SLC4A4: variants seen among roughly 807,000 people sequenced by gnomAD.
SLC4A4 encodes the protein electrogenic sodium bicarbonate cotransporter 1.
Under a neutral mutation model 111.5 loss-of-function variants are expected in SLC4A4, and 27 were observed. That is an observed-to-expected ratio of 0.24 (90% CI 0.18 to 0.33). SLC4A4 has a LOEUF of 0.33. Ranked by LOEUF, SLC4A4 falls within the 10% of genes least tolerant of loss-of-function variation. The probability of loss-of-function intolerance (pLI) is 1.00; values close to 1 mark genes in which losing one functional copy is unlikely to be tolerated. For synonymous variants in SLC4A4, 443 were observed against 463.4 expected (o/e 0.96, Z 0.57); for missense variants, 909 against 1,315.5 (o/e 0.69, Z 4.78).
chr4:71,341,903 A>T (rs1393862782), intron 4 of SLC4A4, among the ~76,000 whole-genome samples: 1 of 151,996 alleles, frequency 6.6e-6, no homozygotes, highest in Non-Finnish European at 1.5e-5. Flanking sequence ...AACTTAAACA[A>T]TGCCCAGAAA....
chr4:71,563,646 T>C, intron 23 of SLC4A4, 147 bp from the exon 24 acceptor site: 1 of 668,336 alleles, frequency 1.5e-6, no homozygotes. Flanking sequence ...GGAATGCAGT[T>C]AAAAGATGGC....
At chr4:71,358,464 A>G (rs1272199776) in intron 6 of SLC4A4, among the ~76,000 whole-genome samples, 1 of 152,156 alleles carries the variant, frequency 6.6e-6, no homozygotes, top group East Asian at 1.9e-4. Flanking sequence ...ATTTCTGGAA[A>G]TGAGTTTTCT....
At chr4:71,068,001 C>G (rs112808777) in intron 1 of SLC4A4, among the ~76,000 whole-genome samples, 2 of 151,390 alleles carry the variant, frequency 1.3e-5, no homozygotes, top group African/African-American at 4.8e-5. Context: ...CTCCTGCCTT[C>G]GCTTCCCATA....
At chr4:71,063,909 T>G (rs1337665196) in intron 1 of SLC4A4, among the ~76,000 whole-genome samples, 1 of 152,154 alleles carries the variant, frequency 6.6e-6, no homozygotes, top group Non-Finnish European at 1.5e-5. Flanking sequence ...AGGTCTAACC[T>G]GCTTATAAAG....
intron 1 of SLC4A4, among the ~76,000 whole-genome samples, chr4:71,208,980 A>G (rs1474012792): frequency 6.6e-6 from 1 of 152,122 alleles, no homozygotes; most frequent in East Asian, 1.9e-4. Flanking sequence ...TTGGTTATAG[A>G]GACAAATTTG....
In SLC4A4 at chr4:71,397,622, A is replaced by G. The variant is rs910457241; in HGVS notation, c.776A>G (p.Asn259Ser). The change falls in exon 7 of 26, where the codon AAT becomes AGT. Residue 259 changes from asparagine to serine, a missense_variant. Asn to Ser is a conservative substitution (Grantham distance 46). Around this residue, in one of 7 missense-constraint regions of SLC4A4, gnomAD observed 312 missense variants for 402.0 expected, o/e 0.78. Transcript: ENST00000264485. ...AGGAATCTGACTTCCTCCAGTCTGA[A>G]TGACATTTCTGATAAACCGGAGAAG... ...THRNLTSSSLNDISDKPEKDQ... is the reference protein window; with the variant it reads ...THRNLTSSSLSDISDKPEKDQ... 6.2e-6 allele frequency: 10 copies of G among 1,613,920 alleles called. No individual in the cohort carries two copies. The highest frequency in any genetic ancestry group is 7.6e-6 in the Non-Finnish European group (9 of 1,179,922).
chr4:71,496,414 G>A (rs1202914875), intron 15 of SLC4A4, among the ~76,000 whole-genome samples: 1 of 152,072 alleles, frequency 6.6e-6, no homozygotes, highest in African/African-American at 2.4e-5. Context: ...TTTCAGCTGA[G>A]TTTTGCTTCA....
At chr4:71,360,825 C>T (rs930768230) in intron 6 of SLC4A4, among the ~76,000 whole-genome samples, 3 of 152,076 alleles carry the variant, frequency 2.0e-5, no homozygotes, top group African/African-American at 7.2e-5. Context: ...TGTTGTAGGA[C>T]TTCTCCTTAG....
rs528058780 is a variant in SLC4A4, at chr4:71,153,054, A to ATATATATAT, written c.-2+60262_-2+60263insTATATATAT. ...GTGTGTATATATATATATATATATA[A>ATATATATAT]AAATAAAAGGAAGTTTATTAAGTAT... On this transcript the variant is annotated intron_variant, in intron 2 of 26. Transcript: ENST00000649996. Among the ~76,000 whole-genome samples, 494 of 140,892 alleles carry ATATATATAT rather than the reference A, an allele frequency of 3.5e-3. 2 individuals are homozygous for ATATATATAT. Among genetic ancestry groups the ATATATATAT allele is most frequent in the East Asian group, 0.028 (138 of 5,018 alleles). The allele number at this position is 140,892 out of a possible 152,430, so 92.4% of individuals were successfully genotyped here. A position where few individuals can be genotyped will look rare whatever the true frequency, so the allele number is the denominator to read the frequency against.
chr4:71,328,623 T>C (rs1372583369), intron 3 of SLC4A4, among the ~76,000 whole-genome samples: 1 of 152,162 alleles, frequency 6.6e-6, no homozygotes, highest in Admixed American at 6.5e-5. Flanking sequence ...TGTCTTATTT[T>C]AAGAAAGATC....
intron 6 of SLC4A4, among the ~76,000 whole-genome samples, chr4:71,386,624 A>C (rs1451045174): frequency 6.6e-6 from 1 of 151,846 alleles, no homozygotes; most frequent in East Asian, 1.9e-4. Context: ...TCATACATAT[A>C]GGTTTTAAGG....
At chr4:71,071,262 C>G (rs896888138) in intron 1 of SLC4A4, among the ~76,000 whole-genome samples, 2 of 90,450 alleles carry the variant, frequency 2.2e-5, no homozygotes, top group African/African-American at 8.7e-5. Context: ...AGAGTGAGAC[C>G]GTCTTAAAAA....
intron 1 of SLC4A4, among the ~76,000 whole-genome samples, chr4:71,073,742 TA>T (rs1008649314): frequency 2.0e-5 from 3 of 151,890 alleles, no homozygotes; most frequent in Non-Finnish European, 2.9e-5. Flanking sequence ...TACCTGCACA[TA>T]AAAAAAATGC....
chr4:71,232,347 G>A, intron 1 of SLC4A4, among the ~76,000 whole-genome samples: 2 of 152,232 alleles, frequency 1.3e-5, no homozygotes, highest in Middle Eastern at 6.8e-3. Flanking sequence ...TAGGAAGAGG[G>A]TTTTTCTGAA....
chr4:71,222,851 C>A (rs1348030783), intron 1 of SLC4A4, among the ~76,000 whole-genome samples: 2 of 152,212 alleles, frequency 1.3e-5, no homozygotes, highest in African/African-American at 4.8e-5. Flanking sequence ...AGTTCCTTGG[C>A]ATGTGTGAAT....
chr4:71,156,146 C>G (rs1744456821), intron 2 of SLC4A4, among the ~76,000 whole-genome samples: 2 of 152,180 alleles, frequency 1.3e-5, no homozygotes, highest in African/African-American at 4.8e-5. Flanking sequence ...CAGGCCAACT[C>G]TGTGGCATAG....
chr4:71,436,629 C>T (rs1724171404), intron 7 of SLC4A4, among the ~76,000 whole-genome samples: 1 of 152,110 alleles, frequency 6.6e-6, no homozygotes, highest in Non-Finnish European at 1.5e-5. Context: ...AATTATTGAC[C>T]AGTATGAAAC....
chr4:71,088,497 C>T lies in SLC4A4; in HGVS notation c.-64-4233C>T, dbSNP rs1373695139. ...GTTAGTTGATGCAGTTTCTTCCTAG[C>T]CTTAATGGTCTTTACAATTTGGCAT... On this transcript the variant is annotated intron_variant, in intron 1 of 26. Coordinates refer to the SLC4A4 transcript ENST00000649996. 1.3e-5 allele frequency among the ~76,000 whole-genome samples: 2 copies of T among 152,070 alleles called. 1 individual carries two copies. Among genetic ancestry groups the T allele is most frequent in the African/African-American group, 4.8e-5 (2 of 41,404 alleles).
intron 1 of SLC4A4, among the ~76,000 whole-genome samples, chr4:71,083,589 A>G (rs1742055587): frequency 6.6e-6 from 1 of 152,004 alleles, no homozygotes; most frequent in African/African-American, 2.4e-5. Context: ...GCTAAAGGAC[A>G]AGAACAGACT....
Sources: allele counts gnomAD v4.1 joint callset (sites outside exome capture counted in the v4.1 genomes callset), GRCh38; gene constraint gnomAD v4.1.1; regional missense constraint gnomAD v4.1.1; transcripts MANE v1.5; gene names NCBI Gene and HGNC (gene_info 2026-07-23, HGNC 2026-07-21).